Variants in SV2C observed in about 807,000 individuals in gnomAD.
SV2C encodes the protein synaptic vesicle glycoprotein 2C.
SV2C carries 49 observed loss-of-function variants against 79.7 expected under a neutral mutation model. The observed-to-expected ratio is 0.61, with a 90% CI of 0.49 to 0.78. SV2C has a LOEUF of 0.78. Among genes scored for constraint, SV2C ranks in the 30% least tolerant of loss-of-function variants. SV2C has a pLI of 0.00. For synonymous variants in SV2C, 334 were observed against 333.2 expected (o/e 1.00, Z -0.03); for missense variants, 833 against 912.9 (o/e 0.91, Z 1.13).
the SV2C span, among the ~76,000 whole-genome samples, chr5:75,926,860 C>G: frequency 2.6e-5 from 4 of 152,136 alleles, no homozygotes; most frequent in African/African-American, 2.4e-5. Context: ...CTTGTATACT[C>G]TCACCATTCA....
chr5:76,007,190 A>G, the SV2C span, among the ~76,000 whole-genome samples: 11 of 152,028 alleles, frequency 7.2e-5, no homozygotes, highest in South Asian at 2.3e-3. Flanking sequence ...AAAACATCTC[A>G]TGGTTCTTCT....
At chr5:75,861,590 G>A in the SV2C span, among the ~76,000 whole-genome samples, 1 of 152,114 alleles carries the variant, frequency 6.6e-6, no homozygotes, top group Non-Finnish European at 1.5e-5. Context: ...CATGAGTGGT[G>A]GACTGGATAA....
intron 2 of SV2C, among the ~76,000 whole-genome samples, chr5:76,173,160 T>A (rs1459969196): frequency 1.3e-5 from 2 of 148,906 alleles, no homozygotes; most frequent in African/African-American, 4.9e-5. Context: ...TTAAAAAAAA[T>A]TACAATAAGC....
chr5:76,275,438 G>A (rs532305513), intron 4 of SV2C, among the ~76,000 whole-genome samples: 147 of 151,158 alleles, frequency 9.7e-4, no homozygotes, highest in African/African-American at 3.5e-3. Flanking sequence ...AGTGAGCCAA[G>A]ATCGTGCCAC....
the SV2C span, among the ~76,000 whole-genome samples, chr5:75,939,946 G>A: frequency 5.9e-5 from 9 of 151,966 alleles, no homozygotes; most frequent in South Asian, 4.2e-4. Flanking sequence ...CCCTTGCCCC[G>A]CCTTCAGTTC....
chr5:76,258,495 A>G (rs1746364234), intron 4 of SV2C, among the ~76,000 whole-genome samples: 1 of 152,222 alleles, frequency 6.6e-6, no homozygotes, highest in Non-Finnish European at 1.5e-5. Context: ...TGTAAACAGC[A>G]AGAAGAATGT....
chr5:76,177,896 C>T (rs554280924), intron 2 of SV2C, among the ~76,000 whole-genome samples: 19 of 152,076 alleles, frequency 1.2e-4, no homozygotes, highest in African/African-American at 4.6e-4. Context: ...ATACCAGTTC[C>T]TCTTAGATAT....
the SV2C span, among the ~76,000 whole-genome samples, chr5:75,932,054 G>A: frequency 1.2e-4 from 18 of 152,076 alleles, no homozygotes; most frequent in Non-Finnish European, 2.4e-4. Flanking sequence ...GGCTTCCCAC[G>A]GCATTTGAAT....
chr5:76,217,754 GA>G (rs561938222), intron 4 of SV2C, among the ~76,000 whole-genome samples: 19 of 141,750 alleles, frequency 1.3e-4, no homozygotes, highest in Middle Eastern at 3.5e-3. Flanking sequence ...TCAGAGAAAA[GA>G]AAAAAAAAAG....
At chr5:76,046,247 G>T in the SV2C span, among the ~76,000 whole-genome samples, 1 of 151,920 alleles carries the variant, frequency 6.6e-6, no homozygotes, top group African/African-American at 2.4e-5. Context: ...AAGACACTTT[G>T]ATCTTTATAA....
chr5:75,855,635 C>A, the SV2C span, among the ~76,000 whole-genome samples: 1 of 151,970 alleles, frequency 6.6e-6, no homozygotes, highest in Non-Finnish European at 1.5e-5. Flanking sequence ...GATCTATGAT[C>A]AGTGATCTTT....
the SV2C span, among the ~76,000 whole-genome samples, chr5:75,957,512 C>T: frequency 6.6e-6 from 1 of 151,966 alleles, no homozygotes; most frequent in African/African-American, 2.4e-5. Context: ...GGAAGGATCC[C>T]CTTGAATGGA....
intron 1 of SV2C, among the ~76,000 whole-genome samples, chr5:76,093,918 A>G (rs1747461110): frequency 1.3e-5 from 2 of 152,240 alleles, no homozygotes; most frequent in South Asian, 2.1e-4. Flanking sequence ...TGCCCATTAT[A>G]TTACCCGTTG....
chr5:76,041,847 C>T, the SV2C span, among the ~76,000 whole-genome samples: 1 of 152,190 alleles, frequency 6.6e-6, no homozygotes, highest in South Asian at 2.1e-4. Context: ...TTACTCTATA[C>T]AAGTCCTTCC....
At chr5:76,238,085 A>AT (rs1358760752) in intron 4 of SV2C, among the ~76,000 whole-genome samples, 33 of 147,744 alleles carry the variant, frequency 2.2e-4, no homozygotes, top group African/African-American at 8.2e-4. Context: ...CCTCACCACC[A>AT]TTTTTTTTGT....
chr5:76,143,108 A>G (rs1400742815), intron 2 of SV2C, among the ~76,000 whole-genome samples: 2 of 151,836 alleles, frequency 1.3e-5, no homozygotes, highest in Non-Finnish European at 2.9e-5. Context: ...GTTGGCCAGG[A>G]TGGTCTCGAT....
chr5:75,942,907 G>A, the SV2C span, among the ~76,000 whole-genome samples: 3 of 152,158 alleles, frequency 2.0e-5, no homozygotes, highest in Non-Finnish European at 2.9e-5. Flanking sequence ...GTGCATGTCT[G>A]TAATCCCAAC....
chr5:76,104,808 C>A (rs767980229), intron 1 of SV2C, among the ~76,000 whole-genome samples: 3 of 152,126 alleles, frequency 2.0e-5, no homozygotes, highest in Non-Finnish European at 4.4e-5. Context: ...AAGGGACCTG[C>A]TCTTTCTCAT....
chr5:75,954,528 T>A, the SV2C span, among the ~76,000 whole-genome samples: 1 of 151,458 alleles, frequency 6.6e-6, no homozygotes, highest in Admixed American at 6.6e-5. Flanking sequence ...AACATAGTGA[T>A]GGAAGTTCTG....
Sources: gnomAD v4.1 joint callset for allele counts (sites outside exome capture counted in the v4.1 genomes callset) on GRCh38, gnomAD v4.1.1 for gene constraint, MANE v1.5 for transcripts, NCBI Gene and HGNC (gene_info 2026-07-23, HGNC 2026-07-21) for gene names.